The following MAPT variants were observed in gnomAD, a reference collection of about 807,000 sequenced individuals.
The protein encoded by MAPT is microtubule associated protein tau.
In MAPT, 34 loss-of-function variants were observed where a neutral mutation model predicts 67.9. The observed-to-expected ratio is 0.50, with a 90% CI of 0.38 to 0.67. The LOEUF (loss-of-function observed/expected upper bound fraction) is 0.67. Ranked by LOEUF, MAPT falls within the 30% of genes least tolerant of loss-of-function variation. MAPT has a pLI of 0.00. For synonymous variants in MAPT, 456 were observed against 464.5 expected (o/e 0.98, Z 0.23); for missense variants, 881 against 1,115.2 (o/e 0.79, Z 2.99).
chr17:45,920,980 A>G (rs2065657529), intron 1 of MAPT, among the ~76,000 whole-genome samples: 1 of 152,212 alleles, frequency 6.6e-6, no homozygotes, highest in Non-Finnish European at 1.5e-5. Context: ...TCTTTGCACA[A>G]TTGTTGTACA....
chr17:45,924,687 A>AGTGGTGG (rs2066104091), intron 1 of MAPT, among the ~76,000 whole-genome samples: 2 of 152,316 alleles, frequency 1.3e-5, no homozygotes, highest in Admixed American at 1.3e-4. Flanking sequence ...GCTCCTGCCC[A>AGTGGTGG]CTTGGAATAG....
intron 9 of MAPT, among the ~76,000 whole-genome samples, chr17:46,005,459 G>T (rs1568319536): frequency 6.6e-6 from 1 of 152,178 alleles, no homozygotes; most frequent in Non-Finnish European, 1.5e-5. Context: ...GAAAAGTTAT[G>T]AATAAAAAAT....
At chr17:45,957,818 T>G (rs1371166843) in intron 1 of MAPT, among the ~76,000 whole-genome samples, 1 of 151,854 alleles carries the variant, frequency 6.6e-6, no homozygotes, top group Non-Finnish European at 1.5e-5. Flanking sequence ...ATAATACAAT[T>G]CCAGCCGAAA....
chr17:46,012,967 C>T (rs1443484933), intron 10 of MAPT, among the ~76,000 whole-genome samples: 1 of 152,212 alleles, frequency 6.6e-6, no homozygotes, highest in Non-Finnish European at 1.5e-5. Flanking sequence ...CCCTGACACA[C>T]ATGGGTCTCA....
chr17:46,020,259 C>T (rs1378998328), intron 12 of MAPT, among the ~76,000 whole-genome samples: 1 of 152,112 alleles, frequency 6.6e-6, no homozygotes, highest in Non-Finnish European at 1.5e-5. Context: ...GCCTTGGTGT[C>T]CCCAGCAGTT....
At chr17:45,944,559 A>AG (rs2068292133) in intron 1 of MAPT, among the ~76,000 whole-genome samples, 1 of 152,200 alleles carries the variant, frequency 6.6e-6, no homozygotes, top group South Asian at 2.1e-4. Context: ...GAAGCCAAGC[A>AG]GGGGGCCCTT....
In MAPT at chr17:45,996,568, C is replaced by T; in HGVS notation, c.1902C>T (p.Arg634=). Residue 634 remains arginine (R), a synonymous_variant, in exon 9 of 13, where the codon CGC becomes CGT. Transcript: ENST00000262410. This position sits in a 1 kb window ranked among gnomAD's most constrained non-coding sequence, Gnocchi z 4.5. ...PPKSPSSAKS[R]LQTAPVPMPD... is the part of the protein sequence containing the mutation. The stretch of plus-strand genomic sequence containing the variant: ...AGTCGCCGTCTTCCGCCAAGAGCCG[C>T]CTGCAGACAGCCCCCGTGCCCATGC... 2 of 1,613,800 alleles carry T rather than the reference C, an allele frequency of 1.2e-6. No homozygotes were observed. Among genetic ancestry groups the T allele is most frequent in the Non-Finnish European group, 1.7e-6 (2 of 1,179,874 alleles).
chr17:45,974,372 C>T (rs997437822), intron 3 of MAPT: 5 of 1,585,386 alleles, frequency 3.2e-6, no homozygotes, highest in African/African-American at 2.7e-5. Flanking sequence ...AGGTGGATCT[C>T]GGTGGTTTCT....
At chr17:46,022,891 G>T (rs1455451831) in intron 12 of MAPT, among the ~76,000 whole-genome samples, 1 of 151,726 alleles carries the variant, frequency 6.6e-6, no homozygotes, top group Non-Finnish European at 1.5e-5. Flanking sequence ...TAGATAGGTA[G>T]ATGATTGATA....
At chr17:45,988,591 A>C (rs1262621858) in intron 6 of MAPT, among the ~76,000 whole-genome samples, 1 of 152,176 alleles carries the variant, frequency 6.6e-6, no homozygotes, top group Non-Finnish European at 1.5e-5. Flanking sequence ...AAAAGTAAGC[A>C]GTGTTGTTTA....
chr17:45,974,219 G>A, intron 3 of MAPT: 2 of 651,730 alleles, frequency 3.1e-6, no homozygotes, highest in South Asian at 1.7e-5. Flanking sequence ...GCTTCCTGGG[G>A]AGCTGGTAGC....
rs373081497 is a variant in MAPT, at chr17:45,996,640, G to A, written c.1974G>A (p.Leu658=). The A allele has an allele frequency of 2.6e-4, 412 of 1,613,946 alleles. 3 individuals are homozygous for A. The South Asian group carries it at 4.3e-3, about 17-fold the overall frequency. Residue 658 remains leucine, a synonymous_variant, in exon 9 of 13, where the codon CTG becomes CTA. Coordinates refer to ENST00000262410, the MANE Select transcript of MAPT (RefSeq NM_001377265.1). This position sits in a 1 kb window ranked among gnomAD's most constrained non-coding sequence, Gnocchi z 4.5. ...CCAAGATCGGCTCCACTGAGAACCT[G>A]AAGCACCAGCCGGGAGGCGGGAAGG... ...VKSKIGSTEN[L]KHQPGGGKVQ... is the part of the protein sequence containing the mutation.
chr17:46,019,057 T>C (rs1214670599), intron 12 of MAPT, among the ~76,000 whole-genome samples: 1 of 152,160 alleles, frequency 6.6e-6, no homozygotes, highest in African/African-American at 2.4e-5. Context: ...ACACTGCTAA[T>C]AAAGACATAC....
At chr17:45,931,741 ATT>A in intron 1 of MAPT, 2 of 152,344 alleles carry the variant, frequency 1.3e-5, no homozygotes, top group South Asian at 4.1e-4. Flanking sequence ...AAGCAAAAAT[ATT>A]ACAGTTTGTG....
At chr17:45,981,381 T>A (rs183619157) in intron 4 of MAPT, among the ~76,000 whole-genome samples, 43 of 152,226 alleles carry the variant, frequency 2.8e-4, no homozygotes, top group Admixed American at 2.0e-3. Context: ...TGCGGCCAGG[T>A]TAATGAATGT....
intron 1 of MAPT, among the ~76,000 whole-genome samples, chr17:45,935,633 C>T (rs985811766): frequency 6.6e-6 from 1 of 152,168 alleles, no homozygotes; most frequent in Non-Finnish European, 1.5e-5. Context: ...CGGCTCCTGG[C>T]CCCAAATCTC....
chr17:45,954,076 G>A (rs755635210), intron 1 of MAPT, among the ~76,000 whole-genome samples: 21 of 152,156 alleles, frequency 1.4e-4, no homozygotes, highest in Non-Finnish European at 2.6e-4. Context: ...TGGCACGTGG[G>A]CCAAAACTGT....
At chr17:46,009,132 C>T (rs1349663146) in intron 9 of MAPT, among the ~76,000 whole-genome samples, 3 of 151,988 alleles carry the variant, frequency 2.0e-5, no homozygotes, top group South Asian at 2.1e-4. Flanking sequence ...CCTGGGAAGT[C>T]GAGGCTGCAC....
At chr17:45,970,094 A>G (rs1479691053) in intron 2 of MAPT, among the ~76,000 whole-genome samples, 3 of 151,646 alleles carry the variant, frequency 2.0e-5, no homozygotes, top group Non-Finnish European at 4.4e-5. Flanking sequence ...CCATCCATCC[A>G]TCCATCCATC....
Sources: allele counts gnomAD v4.1 joint callset (sites outside exome capture counted in the v4.1 genomes callset), GRCh38; gene constraint gnomAD v4.1.1; non-coding constraint Gnocchi (gnomAD v3.1); transcripts MANE v1.5; gene names NCBI Gene and HGNC (gene_info 2026-07-23, HGNC 2026-07-21).